SDK1: variants seen among roughly 807,000 people sequenced by gnomAD.
The protein encoded by SDK1 is protein sidekick-1.
SDK1 carries 157 observed loss-of-function variants against 245.5 expected under a neutral mutation model. The observed-to-expected ratio is 0.64, with a 90% CI of 0.56 to 0.73. SDK1 has a LOEUF of 0.73. SDK1 is among the 30% of genes least tolerant of loss of function. The probability of loss-of-function intolerance (pLI) is 0.00; values close to 1 mark genes in which losing one functional copy is unlikely to be tolerated. For missense variants in SDK1, 3,583 were observed against 3,002.3 expected (o/e 1.19, Z -4.52); for synonymous variants, 1,647 against 1,278.5 (o/e 1.29, Z -6.15).
chr7:4,121,149 A>T (rs1447718093), intron 25 of SDK1, among the ~76,000 whole-genome samples: 3 of 151,702 alleles, frequency 2.0e-5, no homozygotes, highest in African/African-American at 7.3e-5. Flanking sequence ...CCCTGAGGAG[A>T]CTTTCTCTAG....
intron 4 of SDK1, among the ~76,000 whole-genome samples, chr7:3,773,348 C>G (rs1051626356): frequency 4.6e-5 from 7 of 151,828 alleles, no homozygotes; most frequent in African/African-American, 1.5e-4. Flanking sequence ...AAATTTATCA[C>G]TTCAGTTTTT....
intron 2 of SDK1, among the ~76,000 whole-genome samples, chr7:3,634,211 T>C (rs1270271826): frequency 6.6e-6 from 1 of 152,096 alleles, no homozygotes; most frequent in East Asian, 1.9e-4. Context: ...TGGCAGATTC[T>C]CCAAATACAG....
At chr7:4,191,936 G>A (rs543317832) in intron 35 of SDK1, among the ~76,000 whole-genome samples, 2 of 152,200 alleles carry the variant, frequency 1.3e-5, no homozygotes, top group Non-Finnish European at 2.9e-5. Flanking sequence ...AGATTTGAAA[G>A]GGCTTTGACG....
chr7:3,759,587 T>TATC (rs769767424), intron 4 of SDK1, among the ~76,000 whole-genome samples: 1 of 132,172 alleles, frequency 7.6e-6, no homozygotes, highest in South Asian at 2.1e-4. Context: ...TTTTTTTCAT[T>TATC]ATTATTATTA....
At chr7:3,832,669 A>T (rs981337871) in intron 5 of SDK1, among the ~76,000 whole-genome samples, 1 of 152,198 alleles carries the variant, frequency 6.6e-6, no homozygotes, top group Non-Finnish European at 1.5e-5. Context: ...TTATATCAGA[A>T]ATAATAGGAA....
At chr7:3,664,710 A>C (rs1018429817) in intron 4 of SDK1, among the ~76,000 whole-genome samples, 4 of 150,548 alleles carry the variant, frequency 2.7e-5, no homozygotes, top group South Asian at 4.3e-4. Context: ...ACTGCACTCC[A>C]GCCTGGGCAA....
chr7:3,838,185 A>C (rs1255656008), intron 5 of SDK1, among the ~76,000 whole-genome samples: 1 of 152,258 alleles, frequency 6.6e-6, no homozygotes, highest in Non-Finnish European at 1.5e-5. Context: ...TGGTTGGTAC[A>C]TAGCCTGCAT....
chr7:4,054,709 G>A (rs1779095402), intron 19 of SDK1, among the ~76,000 whole-genome samples: 1 of 152,120 alleles, frequency 6.6e-6, no homozygotes, highest in African/African-American at 2.4e-5. Flanking sequence ...CTTCTCACCT[G>A]AGAGGCAAAA....
intron 14 of SDK1, among the ~76,000 whole-genome samples, chr7:3,996,832 T>C (rs1449062482): frequency 1.3e-5 from 2 of 152,220 alleles, no homozygotes; most frequent in East Asian, 3.8e-4. Context: ...TCTTGCTGTG[T>C]TGGTTGGAAT....
chr7:3,402,435 A>G (rs1270113320), intron 1 of SDK1, among the ~76,000 whole-genome samples: 8 of 152,204 alleles, frequency 5.3e-5, no homozygotes, highest in Non-Finnish European at 1.2e-4. Flanking sequence ...CCTAAATACT[A>G]TTATAAAGTT....
At chr7:3,972,490 T>C (rs1782565807) in intron 12 of SDK1, among the ~76,000 whole-genome samples, 1 of 152,220 alleles carries the variant, frequency 6.6e-6, no homozygotes, top group South Asian at 2.1e-4. Flanking sequence ...CAGGTGGGCA[T>C]CAGTGGGGAG....
chr7:4,268,937 T>A lies in SDK1; in HGVS notation c.*3553T>A. On this transcript the variant is annotated 3_prime_UTR_variant, in exon 45 of 45. Transcript: ENST00000404826. ...CATTAAAAGAAAAAAAGAAACAACT[T>A]GTAGGAAGACAGAGAGGTGCTATGG... is the stretch of plus-strand genomic sequence containing the variant. 3.0e-6 allele frequency: 1 copy of A among 330,434 alleles called. No homozygotes were observed. Among genetic ancestry groups the A allele is most frequent in the South Asian group, 2.5e-5 (1 of 40,744 alleles). 20.5% of individuals were successfully genotyped at this position (330,434 alleles called of 1,614,324 possible).
intron 4 of SDK1, among the ~76,000 whole-genome samples, chr7:3,675,814 A>G (rs1310725534): frequency 1.3e-5 from 2 of 152,044 alleles, no homozygotes; most frequent in African/African-American, 4.8e-5. Flanking sequence ...CAGGTATGCC[A>G]TGCCCCGTAT....
Position 4,058,758 on chromosome 7 carries a change from C to G in SDK1, c.2911+6928C>G, listed in dbSNP as rs147376007. 2.1e-4 allele frequency among the ~76,000 whole-genome samples: 32 copies of G among 152,272 alleles called. 1 individual carries two copies. The highest frequency in any genetic ancestry group is 7.2e-4 in the African/African-American group (30 of 41,560). ...GAGTACTATATGCATAAAAGTTACC[C>G]TTCACAAATGAAAGAGAAATAAAGT... On this transcript the variant is annotated intron_variant, in intron 19 of 44. Coordinates refer to ENST00000404826, the MANE Select transcript of SDK1 (RefSeq NM_152744.4).
At chr7:3,793,509 G>GT (rs1324615539) in intron 4 of SDK1, among the ~76,000 whole-genome samples, 1 of 152,108 alleles carries the variant, frequency 6.6e-6, no homozygotes, top group Non-Finnish European at 1.5e-5. Flanking sequence ...TAGTCTTCAG[G>GT]TTTCTTTCTT....
At position 3,815,509 on chromosome 7, in the gene SDK1, A is replaced by G. The variant is rs1354367456; in HGVS notation, c.714-5941A>G. Among the ~76,000 whole-genome samples, 11 of 149,264 alleles carry G rather than the reference A, an allele frequency of 7.4e-5. 1 individual carries two copies. The highest frequency in any genetic ancestry group is 2.0e-4 in the Admixed American group (3 of 14,864). ...GGCTTTTTGATGTGCTGCTGGATTC[A>G]GTTTGCCAGTATTTTATTGAGGATT... On this transcript the variant is annotated intron_variant, in intron 4 of 44. Transcript: ENST00000404826.
chr7:3,733,170 A>G (rs570346536), intron 4 of SDK1, among the ~76,000 whole-genome samples: 59 of 152,308 alleles, frequency 3.9e-4, no homozygotes, highest in Middle Eastern at 3.4e-3. Context: ...TCCCTGTGCA[A>G]TGTCTTAAGT....
intron 5 of SDK1, among the ~76,000 whole-genome samples, chr7:3,847,973 A>C (rs925614514): frequency 1.6e-4 from 24 of 149,824 alleles, no homozygotes; most frequent in African/African-American, 5.1e-4. Context: ...TATTAATCAT[A>C]CTATCGTACT....
Position 4,108,922 on chromosome 7 carries a change from C to T in SDK1, c.3325-1741C>T, listed in dbSNP as rs1481854826. Among the ~76,000 whole-genome samples the T allele has an allele frequency of 5.9e-5, 9 of 152,150 alleles. No homozygotes were observed. In the South Asian group the frequency reaches 8.3e-4, roughly 14 times the overall value. ...GGACATTTCGTAAACTGGAATCGTGCGGTGCATGGACCTTGGGTCAGGCTT... is the reference window on the plus strand; with the variant it reads ...GGACATTTCGTAAACTGGAATCGTGTGGTGCATGGACCTTGGGTCAGGCTT... On this transcript the variant is annotated intron_variant, in intron 22 of 44. Transcript: ENST00000404826.
Sources: gnomAD v4.1 joint callset for allele counts (sites outside exome capture counted in the v4.1 genomes callset) on GRCh38, gnomAD v4.1.1 for gene constraint, MANE v1.5 for transcripts, NCBI Gene and HGNC (gene_info 2026-07-23, HGNC 2026-07-21) for gene names.